Variants in PTGER3 observed in about 807,000 individuals in gnomAD.
PTGER3 encodes prostaglandin E2 receptor EP3 subtype.
Under a neutral mutation model 34.7 loss-of-function variants are expected in PTGER3, and 22 were observed. The ratio of observed to expected loss-of-function variants is 0.63; its 90% CI spans 0.45 to 0.91. The LOEUF is 0.91. PTGER3 is among the 40% of genes least tolerant of loss of function. The pLI is 0.00. For synonymous variants in PTGER3, 241 were observed against 230.1 expected (o/e 1.05, Z -0.43); for missense variants, 468 against 519.4 (o/e 0.90, Z 0.96).
exon 5 of PTGER3, chr1:70,852,821 C>T (rs1277103260): frequency 6.2e-7 from 1 of 1,613,040 alleles, no homozygotes; most frequent in African/African-American, 1.3e-5. Flanking sequence ...TGATGTGATC[C>T]TGGCAGAAAG....
At chr1:70,911,825 A>G (rs1647068370) in intron 4 of PTGER3, among the ~76,000 whole-genome samples, 1 of 152,186 alleles carries the variant, frequency 6.6e-6, no homozygotes, top group Admixed American at 6.5e-5. Flanking sequence ...AATGCCCCAG[A>G]TGATAAATGT....
At chr1:70,957,843 C>G (rs1225415998) in intron 2 of PTGER3, among the ~76,000 whole-genome samples, 2 of 152,094 alleles carry the variant, frequency 1.3e-5, no homozygotes, top group Non-Finnish European at 2.9e-5. Flanking sequence ...CTTTTGTTGT[C>G]CCCCCTTCCA....
chr1:70,869,288 T>A (rs1646112965), intron 4 of PTGER3: 3 of 471,628 alleles, frequency 6.4e-6, no homozygotes, highest in Admixed American at 4.7e-5. Flanking sequence ...CCTCCATGCA[T>A]GACAAAAACA....
intron 1 of PTGER3, among the ~76,000 whole-genome samples, chr1:71,030,007 CCT>C (rs1465291735): frequency 1.3e-5 from 2 of 151,398 alleles, no homozygotes; most frequent in African/African-American, 4.9e-5. Context: ...CAGAGAAACC[CCT>C]GTCTGCCAAA....
At position 71,047,379 on chromosome 1, in the gene PTGER3, C is replaced by T; in HGVS notation, c.199G>A (p.Ala67Thr). 1 of 1,611,050 alleles carries T rather than the reference C, an allele frequency of 6.2e-7. No individual in the cohort carries two copies. Among genetic ancestry groups the T allele is most frequent in the Non-Finnish European group, 8.5e-7 (1 of 1,179,402 alleles). ...CGCGACACGAGCAGCATGGCCAGTG[C>T]GTTGCCCACGAAACCAGTGAGCAGC... Reference protein sequence around the residue: ...TMLLTGFVGNALAMLLVSRSY... With the variant: ...TMLLTGFVGNTLAMLLVSRSY... Residue 67 changes from alanine to threonine, a missense_variant, in exon 1 of 4, where the codon GCA (alanine) becomes ACA (threonine). Physicochemically the swap from Ala to Thr is moderately conservative, Grantham distance 58 (BLOSUM62 0). Coordinates refer to ENST00000306666, the MANE Select transcript of PTGER3 (RefSeq NM_198719.2).
intron 4 of PTGER3, among the ~76,000 whole-genome samples, chr1:70,883,201 G>C (rs958874559): frequency 4.6e-5 from 7 of 152,162 alleles, no homozygotes; most frequent in Non-Finnish European, 7.3e-5. Flanking sequence ...TTATGTTCCT[G>C]AGGGCAGTTT....
intron 1 of PTGER3, among the ~76,000 whole-genome samples, chr1:71,040,234 T>C (rs993226734): frequency 2.6e-5 from 4 of 152,004 alleles, no homozygotes; most frequent in African/African-American, 9.7e-5. Flanking sequence ...AGTTATCAAG[T>C]GAATTGTCTA....
rs183712626 is a variant in PTGER3 at position 71,036,022 on chromosome 1, G to T, written c.897+10659C>A. On this transcript the variant is annotated intron_variant, in intron 1 of 3. Coordinates refer to ENST00000306666, the MANE Select transcript of PTGER3 (RefSeq NM_198719.2). ...GTGCTCGTTTTTGATGTATAAAAAG[G>T]TATGCCAGCATCCATCTGCACTTCT... Among the ~76,000 whole-genome samples the T allele has an allele frequency of 7.3e-4, 111 of 152,308 alleles. No individual in the cohort carries two copies. In the Middle Eastern group the frequency reaches 0.01, roughly 14 times the overall value.
chr1:70,966,510 G>A (rs1210142657), downstream of PTGER3, among the ~76,000 whole-genome samples: 9 of 152,128 alleles, frequency 5.9e-5, no homozygotes, highest in South Asian at 1.9e-3. Context: ...CAGGATGCAT[G>A]CACAAAACGT....
At chr1:70,989,802 A>G (rs1655262757) in intron 2 of PTGER3, among the ~76,000 whole-genome samples, 1 of 152,162 alleles carries the variant, frequency 6.6e-6, no homozygotes, top group Admixed American at 6.5e-5. Flanking sequence ...GCCAGTTATC[A>G]ATGGTAGTAA....
At chr1:70,957,847 C>T (rs187874833) in intron 2 of PTGER3, among the ~76,000 whole-genome samples, 17 of 152,250 alleles carry the variant, frequency 1.1e-4, no homozygotes, top group African/African-American at 3.9e-4. Context: ...TGTTGTCCCC[C>T]CTTCCAGCCT....
At chr1:71,038,359 C>T (rs1397699080) in intron 1 of PTGER3, among the ~76,000 whole-genome samples, 1 of 152,126 alleles carries the variant, frequency 6.6e-6, no homozygotes, top group Non-Finnish European at 1.5e-5. Context: ...TCCAACATGG[C>T]CTTTTGTTTT....
intron 2 of PTGER3, among the ~76,000 whole-genome samples, chr1:70,956,863 C>G (rs895729258): frequency 6.6e-6 from 1 of 152,104 alleles, no homozygotes; most frequent in Non-Finnish European, 1.5e-5. Context: ...GGTGAGGTGG[C>G]CCATGCCTGT....
At position 70,982,853 on chromosome 1, in the gene PTGER3, T is replaced by G. The variant is rs1654519742; in HGVS notation, c.1078-8465A>C. The stretch of plus-strand genomic sequence containing the variant: ...TTCTCGGTAAAGACTCATAAATAGG[T>G]GATAGAGTTGTTAATTGGCTTAATT... On this transcript the variant is annotated intron_variant, in intron 2 of 3. Transcript: ENST00000306666. 2.0e-5 allele frequency among the ~76,000 whole-genome samples: 3 copies of G among 152,178 alleles called. No homozygotes were observed. The South Asian group carries it at 6.2e-4, about 32-fold the overall frequency.
chr1:70,957,734 A>G (rs1416409816), intron 2 of PTGER3, among the ~76,000 whole-genome samples: 1 of 152,134 alleles, frequency 6.6e-6, no homozygotes, highest in African/African-American at 2.4e-5. Flanking sequence ...TATCTTGAAT[A>G]TGTAGTACAA....
At chr1:70,880,209 T>G (rs1646360297) in intron 4 of PTGER3, among the ~76,000 whole-genome samples, 1 of 152,108 alleles carries the variant, frequency 6.6e-6, no homozygotes, top group South Asian at 2.1e-4. Flanking sequence ...CAAGTGTGCT[T>G]TTGTGGTGGC....
In PTGER3 at chr1:70,865,938, G is replaced by T. The variant is rs575899146; in HGVS notation, c.*24-13079C>A. Reference sequence around the variant, plus strand: ...CCACACCTTTCCTGGACTGTCATCCGGGAAATTCCTACTCATTTCTTCTTC... The same window carrying T: ...CCACACCTTTCCTGGACTGTCATCCTGGAAATTCCTACTCATTTCTTCTTC... On this transcript the variant is annotated intron_variant, in intron 4 of 4. Coordinates refer to the PTGER3 transcript ENST00000370931. The T allele has an allele frequency of 2.2e-5, 13 of 578,222 alleles. No homozygotes were observed. The African/African-American group carries it at 2.5e-4, about 11-fold the overall frequency. The allele number at this position is 578,222 out of a possible 1,614,324, so 35.8% of individuals were successfully genotyped here. A position where few individuals can be genotyped will look rare whatever the true frequency, so the allele number is the denominator to read the frequency against.
intron 4 of PTGER3, among the ~76,000 whole-genome samples, chr1:70,903,380 A>G (rs1646880765): frequency 6.6e-6 from 1 of 152,226 alleles, no homozygotes. Context: ...ACTAATCATT[A>G]TAAGTGAGAT....
At chr1:70,918,866 G>A (rs1254126102) in intron 4 of PTGER3, among the ~76,000 whole-genome samples, 3 of 151,822 alleles carry the variant, frequency 2.0e-5, no homozygotes, top group Non-Finnish European at 2.9e-5. Context: ...TAGATACATG[G>A]TATATAAATA....
Sources: allele counts gnomAD v4.1 joint callset (sites outside exome capture counted in the v4.1 genomes callset), GRCh38; gene constraint gnomAD v4.1.1; transcripts MANE v1.5; gene names NCBI Gene and HGNC (gene_info 2026-07-23, HGNC 2026-07-21).